HPSE2: variants seen among roughly 807,000 people sequenced by gnomAD.
HPSE2 encodes heparanase 2 (inactive).
HPSE2 carries 38 observed loss-of-function variants against 60.5 expected under a neutral mutation model. That is an observed-to-expected ratio of 0.63 (90% CI 0.48 to 0.82). The LOEUF (loss-of-function observed/expected upper bound fraction) is 0.82, where lower values mean the gene tolerates loss of function less well. HPSE2 is among the 40% of genes least tolerant of loss of function. The probability of loss-of-function intolerance (pLI) is 0.00; values close to 1 mark genes in which losing one functional copy is unlikely to be tolerated. For missense variants in HPSE2, 713 were observed against 740.4 expected (o/e 0.96, Z 0.43); for synonymous variants, 295 against 293.2 (o/e 1.01, Z -0.06).
rs528620168 is a variant in HPSE2, at chr10:98,940,479, C to A, written c.611-196423G>T. Among the ~76,000 whole-genome samples the A allele has an allele frequency of 2.8e-5, 4 of 144,106 alleles. No individual in the cohort carries two copies. The East Asian group carries it at 7.9e-4, about 28-fold the overall frequency. 94.5% of individuals were successfully genotyped at this position (144,106 alleles called of 152,430 possible). A position where few individuals can be genotyped will look rare whatever the true frequency, so the allele number is the denominator to read the frequency against. On this transcript the variant is annotated intron_variant, in intron 3 of 11. Coordinates refer to ENST00000370552, the MANE Select transcript of HPSE2 (RefSeq NM_021828.5). ...CCTCTACGCAAATAAACTAGAAAAT[C>A]TAGAAGAAATGGATAAATTCCTCCA...
rs573967866 is a variant in HPSE2 at position 98,458,115 on chromosome 10, C to G, written c.*1459G>C. 6.6e-6 allele frequency: 1 copy of G among 151,970 alleles called. No homozygotes were observed. The highest frequency in any genetic ancestry group is 2.0e-4 in the East Asian group (1 of 5,098). 9.4% of individuals were successfully genotyped at this position (151,970 alleles called of 1,614,324 possible). Reference sequence around the variant, plus strand: ...CAGACTTGGCCCAAATCCTTAACTCCGTGTGCGTCTTAGGCAGCCTCCCTA... The same window carrying G: ...CAGACTTGGCCCAAATCCTTAACTCGGTGTGCGTCTTAGGCAGCCTCCCTA... On this transcript the variant is annotated 3_prime_UTR_variant, in exon 12 of 12. Transcript: ENST00000370552.
At chr10:98,823,861 G>T (rs562266239) in intron 3 of HPSE2, among the ~76,000 whole-genome samples, 1 of 151,976 alleles carries the variant, frequency 6.6e-6, no homozygotes, top group African/African-American at 2.4e-5. Flanking sequence ...AGATTTAAAG[G>T]ACATAATCAA....
chr10:98,657,751 T>C (rs1406934540), intron 6 of HPSE2, among the ~76,000 whole-genome samples: 1 of 152,236 alleles, frequency 6.6e-6, no homozygotes, highest in Non-Finnish European at 1.5e-5. Context: ...TATAATACAG[T>C]TTAAGGTTGA....
rs868401209 is a variant in HPSE2, at chr10:98,939,101, G to A, written c.611-195045C>T. 3.3e-4 allele frequency among the ~76,000 whole-genome samples: 47 copies of A among 143,866 alleles called. 9 individuals carry two copies. The highest frequency in any genetic ancestry group is 1.2e-3 in the African/African-American group (41 of 35,438). 94.4% of individuals were successfully genotyped at this position (143,866 alleles called of 152,430 possible). A position where few individuals can be genotyped will look rare whatever the true frequency, so the allele number is the denominator to read the frequency against. On this transcript the variant is annotated intron_variant, in intron 3 of 11. Transcript: ENST00000370552. Reference sequence around the variant, plus strand: ...CTGAAGGAAGCACTAAACATGGAAAGGAACAACCAGTTCCAGCCACTGCAA... The same window carrying A: ...CTGAAGGAAGCACTAAACATGGAAAAGAACAACCAGTTCCAGCCACTGCAA...
intron 9 of HPSE2, among the ~76,000 whole-genome samples, chr10:98,548,245 T>TCAAGCCTCACCCCACTACTA (rs1943752923): frequency 6.6e-6 from 1 of 152,212 alleles, no homozygotes; most frequent in Admixed American, 6.5e-5. Flanking sequence ...ACTTAGTGAA[T>TCAAGCCTCACCCCACTACTA]GGTGCTAGAC....
intron 3 of HPSE2, among the ~76,000 whole-genome samples, chr10:98,866,877 TAA>T (rs999808114): frequency 3.9e-5 from 6 of 152,126 alleles, no homozygotes; most frequent in African/African-American, 1.4e-4. Context: ...TAAGAAATGT[TAA>T]AGATTGTCCT....
chr10:98,770,474 C>A (rs72836720), intron 3 of HPSE2, among the ~76,000 whole-genome samples: 2,292 of 152,304 alleles, frequency 0.015, 32 homozygotes, highest in African/African-American at 0.03. Context: ...GGTCACACTT[C>A]CCATGAGCTG....
intron 3 of HPSE2, among the ~76,000 whole-genome samples, chr10:98,997,112 CTTTTTT>C (rs34434956): frequency 2.5e-5 from 3 of 119,726 alleles, no homozygotes; most frequent in African/African-American, 9.6e-5. Flanking sequence ...CAGACCCTTT[CTTTTTT>C]TTTTTTTTTT....
intron 9 of HPSE2, among the ~76,000 whole-genome samples, chr10:98,506,568 TC>T (rs1942207126): frequency 6.6e-6 from 1 of 152,146 alleles, no homozygotes; most frequent in African/African-American, 2.4e-5. Context: ...TGCCTCAGGT[TC>T]CCCCAGTCTC....
the HPSE2 span, among the ~76,000 whole-genome samples, chr10:99,304,162 G>A: frequency 6.6e-6 from 1 of 152,222 alleles, no homozygotes; most frequent in Admixed American, 6.5e-5. Flanking sequence ...CATCAGGCCA[G>A]ATTGAGGACT....
chr10:98,646,408 G>A (rs924560198), intron 6 of HPSE2, among the ~76,000 whole-genome samples: 1 of 151,076 alleles, frequency 6.6e-6, no homozygotes, highest in African/African-American at 2.4e-5. Context: ...CATCCTCCAA[G>A]CTCTCTTGAA....
rs1954666940 is a variant in HPSE2, at chr10:98,932,451, C to G, written c.611-188395G>C. ...TTTTCTTTTTTTGTTATATCTCTGC[C>G]AGGTTTTGGAATCAGGATGATGCTG... On this transcript the variant is annotated intron_variant, in intron 3 of 11. Coordinates refer to ENST00000370552, the MANE Select transcript of HPSE2 (RefSeq NM_021828.5). Among the ~76,000 whole-genome samples, 3 of 143,732 alleles carry G rather than the reference C, an allele frequency of 2.1e-5. 1 individual carries two copies. Among genetic ancestry groups the G allele is most frequent in the Non-Finnish European group, 4.5e-5 (3 of 67,152 alleles). The allele number at this position is 143,732 out of a possible 152,430, so 94.3% of individuals were successfully genotyped here.
At chr10:99,122,178 CAG>C (rs1436972079) in intron 3 of HPSE2, among the ~76,000 whole-genome samples, 1 of 151,984 alleles carries the variant, frequency 6.6e-6, no homozygotes, top group East Asian at 1.9e-4. Flanking sequence ...GAAATAATAA[CAG>C]AAGTTATCCT....
At chr10:98,630,256 G>C (rs1463442468) in intron 7 of HPSE2, among the ~76,000 whole-genome samples, 3 of 148,176 alleles carry the variant, frequency 2.0e-5, no homozygotes, top group African/African-American at 7.5e-5. Context: ...GGAGTGCAGT[G>C]GCGCCATCTT....
chr10:99,159,530 T>C (rs1320970452), intron 2 of HPSE2, among the ~76,000 whole-genome samples: 1 of 152,202 alleles, frequency 6.6e-6, no homozygotes, highest in African/African-American at 2.4e-5. Flanking sequence ...TGGTGAAATA[T>C]GAATAAAGTC....
intron 3 of HPSE2, among the ~76,000 whole-genome samples, chr10:98,876,015 G>A (rs1952867575): frequency 6.6e-6 from 1 of 151,810 alleles, no homozygotes; most frequent in Non-Finnish European, 1.5e-5. Context: ...TTTCTTCTGT[G>A]TCTCTTTGCT....
intron 11 of HPSE2, among the ~76,000 whole-genome samples, chr10:98,472,820 TACTC>T (rs891036576): frequency 4.9e-5 from 6 of 121,512 alleles, no homozygotes; most frequent in African/African-American, 2.0e-4. Flanking sequence ...GTCAAGATAA[TACTC>T]TAATAGTTAG....
At chr10:99,199,746 T>C (rs1304892533) in intron 2 of HPSE2, among the ~76,000 whole-genome samples, 11 of 152,284 alleles carry the variant, frequency 7.2e-5, no homozygotes, top group Non-Finnish European at 1.5e-4. Context: ...CAAGAATGCA[T>C]TGGCATTTCA....
At chr10:99,180,142 T>G (rs1328905055) in intron 2 of HPSE2, among the ~76,000 whole-genome samples, 2 of 152,118 alleles carry the variant, frequency 1.3e-5, no homozygotes, top group Admixed American at 6.5e-5. Flanking sequence ...ATGTAAGACC[T>G]AAAATCATAA....
Sources: gnomAD v4.1 joint callset for allele counts (sites outside exome capture counted in the v4.1 genomes callset) on GRCh38, gnomAD v4.1.1 for gene constraint, MANE v1.5 for transcripts, NCBI Gene and HGNC (gene_info 2026-07-23, HGNC 2026-07-21) for gene names.